Variants in SP7 observed in about 807,000 individuals in gnomAD.
SP7 encodes Sp7 transcription factor.
In SP7, 13 loss-of-function variants were observed where a neutral mutation model predicts 27.9. The observed-to-expected ratio is 0.47, with a 90% CI of 0.30 to 0.74. The LOEUF is 0.74. Ranked by LOEUF, SP7 falls within the 30% of genes least tolerant of loss-of-function variation. The pLI is 0.06. For missense variants in SP7, 525 were observed against 558.0 expected (o/e 0.94, Z 0.60); for synonymous variants, 219 against 226.7 (o/e 0.97, Z 0.31).
At position 53,328,022 on chromosome 12, in the gene SP7, G is replaced by A; in HGVS notation, c.*124C>T. The A allele has an allele frequency of 5.9e-6, 6 of 1,017,212 alleles. No homozygotes were observed. The highest frequency in any genetic ancestry group is 8.4e-6 in the Non-Finnish European group (6 of 716,080). 63.0% of individuals were successfully genotyped at this position (1,017,212 alleles called of 1,614,324 possible). A position where few individuals can be genotyped will look rare whatever the true frequency, so the allele number is the denominator to read the frequency against. On this transcript the variant is annotated 3_prime_UTR_variant, in exon 3 of 3. Transcript: ENST00000536324. The surrounding 1 kb of genome is among the most constrained non-coding windows in gnomAD (Gnocchi z 5.1). ...CCAAGCCCAGAATGGCCAGGAGGGA[G>A]ACAGAGGGAGAGAGCCCCGAAGGAT... is the stretch of plus-strand genomic sequence containing the variant.
chr12:53,331,947 C>G (rs1944710500), intron 2 of SP7, among the ~76,000 whole-genome samples: 1 of 152,278 alleles, frequency 6.6e-6, no homozygotes, highest in Non-Finnish European at 1.5e-5. Flanking sequence ...TGCGCTACAC[C>G]CCAAGTGCAA....
chr12:53,338,355 G>A (rs895203313), upstream of SP7, among the ~76,000 whole-genome samples: 3 of 152,280 alleles, frequency 2.0e-5, no homozygotes, highest in African/African-American at 7.2e-5. Flanking sequence ...TTGAGAAAGA[G>A]AAGCTTTAGA....
Position 53,328,378 on chromosome 12 carries a change from G to C in SP7, c.1064C>G (p.Thr355Ser). ...VRTHTREKKF[T>S]CLLCSKRFTR... ...AAAGCGCTTGGAGCAGAGCAGGCAG[G>C]TGAACTTCTTCTCCCGGGTGTGAGT... The change falls in exon 3 of 3, where the codon ACC becomes AGC. Residue 355 changes from threonine to serine, a missense_variant. By Grantham distance (58) the Thr-to-Ser change is moderately conservative. Coordinates refer to ENST00000536324, the MANE Select transcript of SP7 (RefSeq NM_001173467.3). The surrounding 1 kb of genome is among the most constrained non-coding windows in gnomAD (Gnocchi z 5.1). 1.2e-6 allele frequency: 2 copies of C among 1,613,648 alleles called. No individual in the cohort carries two copies. Among genetic ancestry groups the C allele is most frequent in the Non-Finnish European group, 1.7e-6 (2 of 1,179,634 alleles).
intron 2 of SP7, among the ~76,000 whole-genome samples, chr12:53,331,508 T>C (rs926721091): frequency 4.6e-5 from 7 of 151,292 alleles, no homozygotes; most frequent in Non-Finnish European, 8.8e-5. Flanking sequence ...AGGTATCTTC[T>C]TAATGCCCAC....
At chr12:53,343,220 G>T (rs1033509239) in intron 1 of SP7, among the ~76,000 whole-genome samples, 5 of 152,090 alleles carry the variant, frequency 3.3e-5, no homozygotes, top group African/African-American at 1.2e-4. Context: ...GTTGTAGGAA[G>T]GGGGAAGAGT....
At chr12:53,336,637 C>T (rs1383203648), upstream of SP7, among the ~76,000 whole-genome samples, 4 of 152,058 alleles carry the variant, frequency 2.6e-5, no homozygotes, top group African/African-American at 9.7e-5. Context: ...TGGAGGCACA[C>T]GCACCACACC....
chr12:53,327,817 T>A lies in SP7; in HGVS notation c.*329A>T. 3.1e-6 allele frequency: 1 copy of A among 322,300 alleles called. No homozygotes were observed. Among genetic ancestry groups the A allele is most frequent in the Non-Finnish European group, 5.7e-6 (1 of 176,548 alleles). 20.0% of individuals were successfully genotyped at this position (322,300 alleles called of 1,614,324 possible). A position where few individuals can be genotyped will look rare whatever the true frequency, so the allele number is the denominator to read the frequency against. On this transcript the variant is annotated 3_prime_UTR_variant, in exon 3 of 3. Coordinates refer to ENST00000536324, the MANE Select transcript of SP7 (RefSeq NM_001173467.3). ...GCAGAAAGGGGTACATGTCAAGGAG[T>A]GAGATGGAGAAATAGTGTTGGGAGC...
intron 2 of SP7, among the ~76,000 whole-genome samples, chr12:53,331,880 G>C (rs113318476): frequency 1.3e-5 from 2 of 152,176 alleles, no homozygotes; most frequent in African/African-American, 4.8e-5. Flanking sequence ...ATGCCAATCC[G>C]AGAGGTGGGC....
At chr12:53,342,915 T>G (rs1386465094) in intron 1 of SP7, among the ~76,000 whole-genome samples, 1 of 150,396 alleles carries the variant, frequency 6.6e-6, no homozygotes, top group Non-Finnish European at 1.5e-5. Flanking sequence ...TCTAAGCCAG[T>G]GTTGGGGGGG....
Position 53,328,650 on chromosome 12 carries a change from C to T in SP7, c.792G>A (p.Gly264=), listed in dbSNP as rs768082314. The part of the protein sequence containing the change: ...TGGSGGYGGS[G]AGRSSCDCPN... Reference sequence around the variant, plus strand: ...GGCAGTCGCAGGAGGAGCGCCCTGCCCCACTGCCCCCATATCCACCACTAC... The same window carrying T: ...GGCAGTCGCAGGAGGAGCGCCCTGCTCCACTGCCCCCATATCCACCACTAC... Residue 264 remains glycine (G), a synonymous_variant, in exon 3 of 3, where the codon GGG becomes GGA. Coordinates refer to ENST00000536324, the MANE Select transcript of SP7 (RefSeq NM_001173467.3). This position sits in a 1 kb window ranked among gnomAD's most constrained non-coding sequence, Gnocchi z 5.1. 6 of 1,609,702 alleles carry T rather than the reference C, an allele frequency of 3.7e-6. No individual in the cohort carries two copies. Among genetic ancestry groups the T allele is most frequent in the Admixed American group, 1.7e-5 (1 of 59,872 alleles).
Position 53,329,052 on chromosome 12 carries a change from G to C in SP7, c.390C>G (p.Asp130Glu). Residue 130 changes from aspartate (D) to glutamate (E), a missense_variant, in exon 3 of 3, where the codon GAC (aspartate) becomes GAG (glutamate). Coordinates refer to ENST00000536324, the MANE Select transcript of SP7 (RefSeq NM_001173467.3). ...ACCAGGAGCCATAGGGGTGTGTCAT[G>C]TCCAGAGAGGTGTAGACACTGGGCA... is the stretch of plus-strand genomic sequence containing the variant. ...DCLPSVYTSL[D>E]MTHPYGSWYK... The C allele has an allele frequency of 1.9e-6, 3 of 1,613,866 alleles. No homozygotes were observed. Among genetic ancestry groups the C allele is most frequent in the Non-Finnish European group, 2.5e-6 (3 of 1,179,870 alleles).
At position 53,327,595 on chromosome 12, in the gene SP7, C is replaced by G. The variant is rs1944645676; in HGVS notation, c.*551G>C. The G allele has an allele frequency of 6.5e-6, 1 of 154,344 alleles. No individual in the cohort carries two copies. The highest frequency in any genetic ancestry group is 6.4e-5 in the Admixed American group (1 of 15,596). 9.6% of individuals were successfully genotyped at this position (154,344 alleles called of 1,614,324 possible). A position where few individuals can be genotyped will look rare whatever the true frequency, so the allele number is the denominator to read the frequency against. On this transcript the variant is annotated 3_prime_UTR_variant, in exon 3 of 3. Coordinates refer to ENST00000536324, the MANE Select transcript of SP7 (RefSeq NM_001173467.3). The stretch of plus-strand genomic sequence containing the variant: ...TGGGATCAGATCCCCACTGGTCTGC[C>G]CCCCTCTTGGCACCCTCTGGCCAGG...
upstream of SP7, among the ~76,000 whole-genome samples, chr12:53,340,185 T>A (rs1944810745): frequency 6.6e-6 from 1 of 151,912 alleles, no homozygotes; most frequent in Non-Finnish European, 1.5e-5. Flanking sequence ...GCATACAGAC[T>A]CACAGCCACC....
rs564652927 is a variant in SP7 at position 53,333,997 on chromosome 12, C to T, written c.21+1629G>A. ...GGGCCAGTCCCTCCCAAGCCACCAGCGCCACGTTGGCAACACTGGCATGAT... is the reference window on the plus strand; with the variant it reads ...GGGCCAGTCCCTCCCAAGCCACCAGTGCCACGTTGGCAACACTGGCATGAT... On this transcript the variant is annotated intron_variant, in intron 2 of 2. Coordinates refer to ENST00000536324, the MANE Select transcript of SP7 (RefSeq NM_001173467.3). Among the ~76,000 whole-genome samples the T allele has an allele frequency of 1.2e-4, 18 of 152,334 alleles. No individual in the cohort carries two copies. In the South Asian group the frequency reaches 2.9e-3, roughly 25 times the overall value.
chr12:53,342,335 A>G (rs1944831465), intron 1 of SP7, among the ~76,000 whole-genome samples: 1 of 152,180 alleles, frequency 6.6e-6, no homozygotes, highest in Non-Finnish European at 1.5e-5. Flanking sequence ...CGGAGCCCAG[A>G]TTTTTGAAAT....
intron 2 of SP7, among the ~76,000 whole-genome samples, chr12:53,333,366 A>C (rs144278459): frequency 2.4e-4 from 36 of 152,122 alleles, no homozygotes; most frequent in African/African-American, 8.2e-4. Flanking sequence ...AGACAAACAG[A>C]ATTAAAGTAT....
At chr12:53,335,816 G>T in intron 1 of SP7, 123 bp from the exon 2 acceptor site, 1 of 1,409,968 alleles carries the variant, frequency 7.1e-7, no homozygotes, top group African/African-American at 1.5e-5. Context: ...TGTCTGTAGG[G>T]ATCCACCCTC....
In SP7 at chr12:53,329,053, T is replaced by G; in HGVS notation, c.389A>C (p.Asp130Ala). 1 of 1,613,834 alleles carries G rather than the reference T, an allele frequency of 6.2e-7. No individual in the cohort carries two copies. The highest frequency in any genetic ancestry group is 8.5e-7 in the Non-Finnish European group (1 of 1,179,868). ...DCLPSVYTSL[D>A]MTHPYGSWYK... ...CCAGGAGCCATAGGGGTGTGTCATG[T>G]CCAGAGAGGTGTAGACACTGGGCAG... The change falls in exon 3 of 3, where the codon GAC becomes GCC. Residue 130 changes from aspartate (D) to alanine (A), a missense_variant. Asp to Ala is a moderately radical substitution (Grantham distance 126). Coordinates refer to ENST00000536324, the MANE Select transcript of SP7 (RefSeq NM_001173467.3).
intron 1 of SP7, among the ~76,000 whole-genome samples, chr12:53,342,325 C>A (rs1007898899): frequency 6.6e-6 from 1 of 152,120 alleles, no homozygotes; most frequent in Non-Finnish European, 1.5e-5. Flanking sequence ...CATTCTTCCT[C>A]GGAGCCCAGA....
Sources: gnomAD v4.1 joint callset for allele counts (sites outside exome capture counted in the v4.1 genomes callset) on GRCh38, gnomAD v4.1.1 for gene constraint, Gnocchi (gnomAD v3.1) non-coding constraint, MANE v1.5 for transcripts, NCBI Gene and HGNC (gene_info 2026-07-23, HGNC 2026-07-21) for gene names.